Variants in CDYL observed in about 807,000 individuals in gnomAD.
CDYL encodes chromodomain Y-like protein.
A neutral mutation model predicts 47.3 loss-of-function variants in CDYL; 8 were observed. That is an observed-to-expected ratio of 0.17 (90% CI 0.10 to 0.31). The LOEUF (loss-of-function observed/expected upper bound fraction) is 0.31, where lower values mean the gene tolerates loss of function less well. Among genes scored for constraint, CDYL ranks in the 10% least tolerant of loss-of-function variants. The pLI is 1.00. For missense variants in CDYL, 471 were observed against 701.4 expected (o/e 0.67, Z 3.71); for synonymous variants, 266 against 265.0 (o/e 1.00, Z -0.04).
chr6:4,787,720 AGACATGCAGGTGGAGGTGCG>A (rs1272054105), intron 1 of CDYL, among the ~76,000 whole-genome samples: 1 of 150,920 alleles, frequency 6.6e-6, no homozygotes. Flanking sequence ...AGGAGACCAA[AGACATGCAGGTGGAGGTGCG>A]GACAGGCTGC....
intron 1 of CDYL, among the ~76,000 whole-genome samples, chr6:4,827,255 C>G (rs909181863): frequency 6.6e-6 from 1 of 152,200 alleles, no homozygotes; most frequent in African/African-American, 2.4e-5. Flanking sequence ...CTGCCAGTCT[C>G]TGCCTTCTGT....
chr6:4,756,264 A>G (rs1758072515), intron 3 of CDYL, among the ~76,000 whole-genome samples: 1 of 152,146 alleles, frequency 6.6e-6, no homozygotes, highest in Non-Finnish European at 1.5e-5. Flanking sequence ...TGACAGTCTA[A>G]GCTTTCCACA....
At chr6:4,766,262 T>C (rs1758250182) in intron 3 of CDYL, among the ~76,000 whole-genome samples, 1 of 152,140 alleles carries the variant, frequency 6.6e-6, no homozygotes, top group African/African-American at 2.4e-5. Flanking sequence ...CAGGCTGGAG[T>C]GCAATGGCAT....
intron 1 of CDYL, among the ~76,000 whole-genome samples, chr6:4,862,990 GTACATATACACCATGGAA>G (rs1471765961): frequency 1.3e-5 from 2 of 152,108 alleles, no homozygotes; most frequent in Non-Finnish European, 2.9e-5. Flanking sequence ...AGAAAATGTG[GTACATATACACCATGGAA>G]TACTATACCC....
intron 1 of CDYL, among the ~76,000 whole-genome samples, chr6:4,879,512 T>C (rs1761705259): frequency 6.6e-6 from 1 of 151,742 alleles, no homozygotes; most frequent in African/African-American, 2.4e-5. Flanking sequence ...TCTCCTGATA[T>C]CTAAGAGTAG....
intron 2 of CDYL, among the ~76,000 whole-genome samples, chr6:4,716,180 G>A (rs560953384): frequency 3.3e-5 from 5 of 151,716 alleles, no homozygotes; most frequent in East Asian, 3.9e-4. Context: ...CCCGGGAGGC[G>A]GAGCTTGCAG....
rs143431565 is a variant in CDYL, at chr6:4,927,359, C to CTTTT, written c.692-8149_692-8146dup. 1.1e-3 allele frequency among the ~76,000 whole-genome samples: 167 copies of CTTTT among 147,942 alleles called. 1 individual carries two copies. The highest frequency in any genetic ancestry group is 2.5e-3 in the Admixed American group (37 of 14,932). Reference sequence around the variant, plus strand: ...TCTAATCTGAAGGTAGAAAGAACGTCTTTTTTTTTTAACTCAGATCAATTT... The same window carrying CTTTT: ...TCTAATCTGAAGGTAGAAAGAACGTCTTTTTTTTTTTTTTAACTCAGATCAATTT... On this transcript the variant is annotated intron_variant, in intron 2 of 6. Transcript: ENST00000397588.
Position 4,776,753 on chromosome 6 carries a change from G to GCC in CDYL, c.-28_-27dup. On this transcript the variant is annotated 5_prime_UTR_variant, in exon 1 of 7. Transcript: ENST00000397588. The stretch of plus-strand genomic sequence containing the variant: ...CGGCGCCGGCGCCCGCCCCGACCCT[G>GCC]CCCCTCCCGCCCGCAACTCCGCCGC... The GCC allele has an allele frequency of 4.0e-5, 28 of 696,666 alleles. No individual in the cohort carries two copies. The highest frequency in any genetic ancestry group is 4.6e-5 in the Non-Finnish European group (24 of 517,274). 43.2% of individuals were successfully genotyped at this position (696,666 alleles called of 1,614,324 possible).
Position 4,932,828 on chromosome 6 carries a change from A to C in CDYL, c.692-2687A>C, listed in dbSNP as rs141310293. Reference sequence around the variant, plus strand: ...GCTGTCGGCTGTCACCTAAGTGGCAATGTCATCTCACCTGCACTTTTAACA... The same window carrying C: ...GCTGTCGGCTGTCACCTAAGTGGCACTGTCATCTCACCTGCACTTTTAACA... On this transcript the variant is annotated intron_variant, in intron 2 of 6. Transcript: ENST00000397588. Among the ~76,000 whole-genome samples the C allele has an allele frequency of 2.8e-3, 432 of 152,186 alleles. 2 individuals are homozygous for C. The highest frequency in any genetic ancestry group is 7.7e-3 in the African/African-American group (321 of 41,548).
At chr6:4,896,078 C>G (rs899237487) in intron 2 of CDYL, among the ~76,000 whole-genome samples, 3 of 152,198 alleles carry the variant, frequency 2.0e-5, no homozygotes. Context: ...GCCCTGACCC[C>G]TGTATACTGC....
At chr6:4,949,515 C>T (rs1329915151) in intron 5 of CDYL, among the ~76,000 whole-genome samples, 3 of 152,218 alleles carry the variant, frequency 2.0e-5, no homozygotes, top group Non-Finnish European at 1.5e-5. Context: ...CGGCATTTCC[C>T]ATCTCTCTGG....
At chr6:4,832,443 A>G (rs1406030890) in intron 1 of CDYL, among the ~76,000 whole-genome samples, 1 of 150,918 alleles carries the variant, frequency 6.6e-6, no homozygotes, top group Non-Finnish European at 1.5e-5. Context: ...ATCATGGTGA[A>G]TAAGCTTTTT....
chr6:4,726,391 C>T (rs1757513153), intron 2 of CDYL, among the ~76,000 whole-genome samples: 1 of 151,976 alleles, frequency 6.6e-6, no homozygotes, highest in Admixed American at 6.6e-5. Context: ...AAAAATTAGC[C>T]AGGCGTGGTA....
chr6:4,820,852 C>T (rs1280773951), intron 1 of CDYL, among the ~76,000 whole-genome samples: 2 of 152,146 alleles, frequency 1.3e-5, no homozygotes, highest in African/African-American at 2.4e-5. Context: ...CAGCCTGCAG[C>T]GTGCAGAAAC....
intron 1 of CDYL, among the ~76,000 whole-genome samples, chr6:4,807,526 A>T (rs1382680136): frequency 1.4e-5 from 2 of 141,792 alleles, no homozygotes; most frequent in African/African-American, 5.3e-5. Flanking sequence ...TTTCTTCCAC[A>T]TTTGCTAATT....
chr6:4,884,009 A>G (rs1351896517), intron 1 of CDYL, among the ~76,000 whole-genome samples: 3 of 152,184 alleles, frequency 2.0e-5, no homozygotes, highest in Non-Finnish European at 4.4e-5. Flanking sequence ...TGTGCATCCT[A>G]CAAGTAGCTT....
At chr6:4,840,549 G>C (rs2127458646) in intron 1 of CDYL, among the ~76,000 whole-genome samples, 1 of 152,174 alleles carries the variant, frequency 6.6e-6, no homozygotes, top group African/African-American at 2.4e-5. Flanking sequence ...TGTCATAGAT[G>C]GCTTTTATTA....
intron 5 of CDYL, among the ~76,000 whole-genome samples, chr6:4,948,136 C>G (rs6597099): frequency 0.81 from 123,995 of 152,150 alleles, 54,248 homozygotes; most frequent in Non-Finnish European, 0.97. Flanking sequence ...AATCCTCATC[C>G]TCTGGAACAT....
chr6:4,909,800 T>C (rs180954939), intron 2 of CDYL, among the ~76,000 whole-genome samples: 81 of 152,094 alleles, frequency 5.3e-4, no homozygotes, highest in Non-Finnish European at 9.3e-4. Context: ...GATCTCGATC[T>C]CCTGATCTTG....
Sources: gnomAD v4.1 joint callset for allele counts (sites outside exome capture counted in the v4.1 genomes callset) on GRCh38, gnomAD v4.1.1 for gene constraint, MANE v1.5 for transcripts, NCBI Gene and HGNC (gene_info 2026-07-23, HGNC 2026-07-21) for gene names.